The following KIAA2012 variants were observed in gnomAD, a reference collection of about 807,000 sequenced individuals.
The protein encoded by KIAA2012 is KIAA2012, also known as uncharacterized protein KIAA2012.
Under a neutral mutation model 150.6 loss-of-function variants are expected in KIAA2012, and 125 were observed. That is an observed-to-expected ratio of 0.83 (90% confidence interval 0.72 to 0.96). KIAA2012 has a LOEUF of 0.96. KIAA2012 is among the 40% of genes least tolerant of loss of function. The probability of loss-of-function intolerance (pLI) is 0.00; values close to 1 mark genes in which losing one functional copy is unlikely to be tolerated. For synonymous variants in KIAA2012, 462 were observed against 504.7 expected, an observed-to-expected ratio of 0.92 and a Z score of 1.13; for missense variants, 1,219 against 1,354.9, an observed-to-expected ratio of 0.90 and a Z score of 1.57.
At chr2:202,118,388 G>T (rs1194332061) in intron 11 of KIAA2012, among the ~76,000 whole-genome samples, 2 of 152,106 alleles carry the variant, frequency 1.3e-5, no homozygotes, top group Non-Finnish European at 2.9e-5. Flanking sequence ...AGGCTAGAAG[G>T]CTAAAAACTA....
Position 202,188,279 on chromosome 2 carries a change from G to C in KIAA2012, c.2491+13G>C. 1 of 1,543,816 alleles carries C rather than the reference G, an allele frequency of 6.5e-7. No individual in the cohort carries two copies. The highest frequency in any genetic ancestry group is 8.7e-7 in the Non-Finnish European group (1 of 1,142,948). The stretch of plus-strand genomic sequence containing the variant: ...GAGGCTGCCATTGGTAAGAGAGTGT[G>C]CCTGCAAGTAACAACCTGGAGAAGA... On this transcript the variant is annotated intron_variant, in intron 18 of 23. Coordinates refer to ENST00000498697, the MANE Select transcript of KIAA2012 (RefSeq NM_001277372.4).
At chr2:202,091,403 G>C (rs555121449) in intron 3 of KIAA2012, among the ~76,000 whole-genome samples, 1 of 152,290 alleles carries the variant, frequency 6.6e-6, no homozygotes, top group South Asian at 2.1e-4. Flanking sequence ...CCCCATCTGA[G>C]GTGATCCCAG....
chr2:202,169,107 A>G (rs1421029010), intron 15 of KIAA2012, among the ~76,000 whole-genome samples: 1 of 152,174 alleles, frequency 6.6e-6, no homozygotes, highest in South Asian at 2.1e-4. Context: ...ATTCAATTGC[A>G]CAAATGCTTA....
intron 13 of KIAA2012, among the ~76,000 whole-genome samples, chr2:202,152,599 A>G (rs1413744877): frequency 1.3e-5 from 2 of 152,188 alleles, no homozygotes; most frequent in African/African-American, 4.8e-5. Context: ...AAAGCTTGAA[A>G]TGCCTTGTCT....
intron 22 of KIAA2012, among the ~76,000 whole-genome samples, chr2:202,200,901 T>C (rs559602150): frequency 6.6e-6 from 1 of 152,128 alleles, no homozygotes; most frequent in Admixed American, 6.5e-5. Context: ...AGACGGGGTT[T>C]CTCCATGTTA....
intron 9 of KIAA2012, among the ~76,000 whole-genome samples, chr2:202,106,166 A>G (rs1690185516): frequency 6.6e-6 from 1 of 151,990 alleles, no homozygotes; most frequent in Non-Finnish European, 1.5e-5. Context: ...TGTCCAGCTC[A>G]CCAGTTACTT....
rs781412910 is a variant in KIAA2012, at chr2:202,099,766, G to A, written c.982G>A (p.Ala328Thr). ...DKSHITFCGGAFPNRKADLSD... is the reference protein window; with the variant it reads ...DKSHITFCGGTFPNRKADLSD... ...ATCCCACATTACATTCTGTGGAGGC[G>A]CCTTCCCTAATAGGAAGGCAGATCT... Residue 328 changes from alanine to threonine, a missense_variant, in exon 6 of 24, where the codon GCC becomes ACC. Ala to Thr is a moderately conservative substitution (Grantham distance 58). Coordinates refer to ENST00000498697, the MANE Select transcript of KIAA2012 (RefSeq NM_001277372.4). 3.3e-5 allele frequency: 51 copies of A among 1,549,958 alleles called. No individual in the cohort carries two copies. The highest frequency in any genetic ancestry group is 4.4e-5 in the Non-Finnish European group (50 of 1,146,830).
chr2:202,189,867 G>A (rs1559233374), intron 18 of KIAA2012, among the ~76,000 whole-genome samples: 1 of 152,016 alleles, frequency 6.6e-6, no homozygotes, highest in Non-Finnish European at 1.5e-5. Context: ...TGAGGTGGGT[G>A]GATTGCTTGA....
intron 15 of KIAA2012, among the ~76,000 whole-genome samples, chr2:202,176,350 C>G (rs987360320): frequency 1.3e-5 from 2 of 152,074 alleles, no homozygotes; most frequent in African/African-American, 2.4e-5. Flanking sequence ...GTGTGTGCCA[C>G]CAGGCCCGGC....
At chr2:202,167,185 A>AG in intron 15 of KIAA2012, among the ~76,000 whole-genome samples, 1 of 152,086 alleles carries the variant, frequency 6.6e-6, no homozygotes, top group East Asian at 1.9e-4. Flanking sequence ...AAAAAAAAAA[A>AG]AACTTTCCAC....
At chr2:202,098,789 C>CAT (rs1689960932) in intron 5 of KIAA2012, among the ~76,000 whole-genome samples, 1 of 148,412 alleles carries the variant, frequency 6.7e-6, no homozygotes, top group Non-Finnish European at 1.5e-5. Context: ...ACTCTAAGGC[C>CAT]GTGTGTGTGT....
At chr2:202,093,292 C>A in intron 4 of KIAA2012, 107 bp downstream of exon 4, 1 of 1,148,836 alleles carries the variant, frequency 8.7e-7, no homozygotes, top group Non-Finnish European at 1.2e-6. Flanking sequence ...TTCTGGGTTG[C>A]ATAGTCCTCA....
At position 202,183,384 on chromosome 2, in the gene KIAA2012, C is replaced by T. The variant is rs188775747; in HGVS notation, c.2120-1369C>T. On this transcript the variant is annotated intron_variant, in intron 15 of 23. Transcript: ENST00000498697. ...GCAGTGAGCCGGGATTGTGCCACTG[C>T]ACTCCAGCCGGGGCGACAGAGCAAG... Among the ~76,000 whole-genome samples the T allele has an allele frequency of 3.4e-5, 5 of 147,278 alleles. No individual in the cohort carries two copies. The East Asian group carries it at 9.9e-4, about 29-fold the overall frequency.
chr2:202,111,279 A>G lies in KIAA2012; in HGVS notation c.1651+1490A>G, dbSNP rs560259378. On this transcript the variant is annotated intron_variant, in intron 10 of 23. Coordinates refer to ENST00000498697, the MANE Select transcript of KIAA2012 (RefSeq NM_001277372.4). ...TGGGAGGCTGAGGTGGGCGGATCAC[A>G]AGGTCAGGAGTTCAAGACCAGCTTG... Among the ~76,000 whole-genome samples the G allele has an allele frequency of 8.9e-4, 135 of 150,912 alleles. 1 individual carries two copies. The highest frequency in any genetic ancestry group is 2.9e-3 in the African/African-American group (120 of 40,962).
chr2:202,134,328 T>G (rs1691016684), intron 12 of KIAA2012, among the ~76,000 whole-genome samples: 3 of 152,026 alleles, frequency 2.0e-5, no homozygotes, highest in African/African-American at 4.8e-5. Context: ...CAACAGCTAC[T>G]GCCCTTGTAA....
At chr2:202,119,730 C>T (rs936416676) in intron 11 of KIAA2012, among the ~76,000 whole-genome samples, 9 of 152,108 alleles carry the variant, frequency 5.9e-5, no homozygotes, top group Non-Finnish European at 1.2e-4. Flanking sequence ...GGGCCAGGCA[C>T]GGTGGCTCAT....
At chr2:202,156,108 C>T (rs1380613777) in intron 14 of KIAA2012, among the ~76,000 whole-genome samples, 5 of 151,930 alleles carry the variant, frequency 3.3e-5, no homozygotes, top group Admixed American at 6.6e-5. Context: ...GTGGGAGGAT[C>T]GCTTGAGTCC....
At chr2:202,202,683 T>C in intron 23 of KIAA2012, 96 bp downstream of exon 23, 1 of 393,898 alleles carries the variant, frequency 2.5e-6, no homozygotes, top group East Asian at 3.6e-5. Context: ...ATCCCAACAC[T>C]TTGAGAGGCT....
chr2:202,176,874 T>C (rs1692001605), intron 15 of KIAA2012, among the ~76,000 whole-genome samples: 1 of 152,196 alleles, frequency 6.6e-6, no homozygotes, highest in Non-Finnish European at 1.5e-5. Context: ...TTTTAGTAAT[T>C]TAGAGCAATT....
Sources: gnomAD v4.1 joint callset for allele counts (sites outside exome capture counted in the v4.1 genomes callset) on GRCh38, gnomAD v4.1.1 for gene constraint, MANE v1.5 for transcripts, NCBI Gene and HGNC (gene_info 2026-07-23, HGNC 2026-07-21) for gene names.